GSG1L: variants seen among roughly 807,000 people sequenced by gnomAD.
The protein encoded by GSG1L is germ cell-specific gene 1-like protein.
A neutral mutation model predicts 42.1 loss-of-function variants in GSG1L; 24 were observed. The ratio of observed to expected loss-of-function variants is 0.57; its 90% confidence interval spans 0.41 to 0.80. The LOEUF is 0.80. Among genes scored for constraint, GSG1L ranks in the 30% least tolerant of loss-of-function variants. The probability of loss-of-function intolerance (pLI) is 0.00; values close to 1 mark genes in which losing one functional copy is unlikely to be tolerated. For synonymous variants in GSG1L, 215 were observed against 203.5 expected, an observed-to-expected ratio of 1.06 and a Z score of -0.48; for missense variants, 445 against 472.2, an observed-to-expected ratio of 0.94 and a Z score of 0.53.
intron 2 of GSG1L, among the ~76,000 whole-genome samples, chr16:27,892,664 C>T (rs1311239443): frequency 3.3e-5 from 5 of 151,828 alleles, no homozygotes; most frequent in African/African-American, 1.2e-4. Flanking sequence ...GTGGTGTGTG[C>T]CTGTGATCTC....
rs1056814776 is a variant in GSG1L, at chr16:27,789,534, T to C, written c.*1836A>G. On this transcript the variant is annotated 3_prime_UTR_variant, in exon 7 of 7. Transcript: ENST00000447459. ...AGATGATGGATGATGGATGGAAGGA[T>C]AAATAATGGATAAATGAAGAAATGC... 1.3e-5 allele frequency: 2 copies of C among 151,464 alleles called. No homozygotes were observed. The highest frequency in any genetic ancestry group is 1.3e-4 in the Admixed American group (2 of 15,220). The allele number at this position is 151,464 out of a possible 1,614,324, so 9.4% of individuals were successfully genotyped here. A position where few individuals can be genotyped will look rare whatever the true frequency, so the allele number is the denominator to read the frequency against.
rs140164974 is a variant in GSG1L, at chr16:27,822,991, G to A, written c.830+5798C>T. Among the ~76,000 whole-genome samples the A allele has an allele frequency of 1.3e-3, 191 of 152,296 alleles. 2 individuals carry two copies. Among genetic ancestry groups the A allele is most frequent in the African/African-American group, 4.5e-3 (185 of 41,566 alleles). On this transcript the variant is annotated intron_variant, in intron 5 of 6. Coordinates refer to ENST00000447459, the MANE Select transcript of GSG1L (RefSeq NM_001109763.2). Reference sequence around the variant, plus strand: ...ACAGTGCCACATTCCCAAGTGAGGCGGGTCATTTGTTTGGCACAGCTGAAT... The same window carrying A: ...ACAGTGCCACATTCCCAAGTGAGGCAGGTCATTTGTTTGGCACAGCTGAAT...
chr16:28,041,969 C>T (rs2086111434), intron 1 of GSG1L, among the ~76,000 whole-genome samples: 1 of 152,202 alleles, frequency 6.6e-6, no homozygotes, highest in South Asian at 2.1e-4. Context: ...TAAAACTGGG[C>T]AAAGACGTGG....
chr16:27,904,859 T>C (rs1225273871), intron 2 of GSG1L, among the ~76,000 whole-genome samples: 2 of 152,180 alleles, frequency 1.3e-5, no homozygotes, highest in African/African-American at 4.8e-5. Context: ...CAGAAAGTCA[T>C]GGCAGCTGCA....
intron 1 of GSG1L, among the ~76,000 whole-genome samples, chr16:28,014,442 T>C (rs61527029): frequency 0.023 from 3,496 of 152,082 alleles, 141 homozygotes; most frequent in African/African-American, 0.08. Flanking sequence ...AGAAAACAAC[T>C]GGAAAAATAC....
At chr16:27,941,303 C>A (rs1200165575) in intron 2 of GSG1L, among the ~76,000 whole-genome samples, 3 of 151,762 alleles carry the variant, frequency 2.0e-5, no homozygotes, top group East Asian at 3.9e-4. Flanking sequence ...CTGTAACTTA[C>A]CACCAACAAA....
chr16:27,870,910 G>A (rs2083812487), intron 3 of GSG1L, among the ~76,000 whole-genome samples: 1 of 151,300 alleles, frequency 6.6e-6, no homozygotes, highest in Admixed American at 6.6e-5. Context: ...GTGCTCTCCA[G>A]CCTGTACCGG....
chr16:27,820,182 G>A (rs1466175622), intron 5 of GSG1L, among the ~76,000 whole-genome samples: 1 of 152,194 alleles, frequency 6.6e-6, no homozygotes, highest in African/African-American at 2.4e-5. Flanking sequence ...GAGAATCCAA[G>A]TAGAAACACC....
rs537557773 is a variant in GSG1L at position 27,825,848 on chromosome 16, C to T, written c.830+2941G>A. Among the ~76,000 whole-genome samples, 65 of 152,270 alleles carry T rather than the reference C, an allele frequency of 4.3e-4. 3 individuals are homozygous for T. In the South Asian group the frequency reaches 0.013, roughly 30 times the overall value. On this transcript the variant is annotated intron_variant, in intron 5 of 6. Coordinates refer to ENST00000447459, the MANE Select transcript of GSG1L (RefSeq NM_001109763.2). Reference sequence around the variant, plus strand: ...TTTGCTCGGCATTTCTCCTTGCTGCCGCCATGTGAAGAAGGACGTGTTTGC... The same window carrying T: ...TTTGCTCGGCATTTCTCCTTGCTGCTGCCATGTGAAGAAGGACGTGTTTGC...
At chr16:28,055,737 T>C (rs2086271826) in intron 1 of GSG1L, among the ~76,000 whole-genome samples, 1 of 152,228 alleles carries the variant, frequency 6.6e-6, no homozygotes, top group East Asian at 1.9e-4. Flanking sequence ...CCCAAAGTGC[T>C]GGGATTACAG....
chr16:28,031,345 T>C (rs565077284), intron 1 of GSG1L, among the ~76,000 whole-genome samples: 2 of 131,754 alleles, frequency 1.5e-5, no homozygotes, highest in Non-Finnish European at 3.2e-5. Context: ...TGGGATGGGA[T>C]TGGATGAGAT....
At chr16:27,812,691 C>A (rs900905575) in intron 5 of GSG1L, among the ~76,000 whole-genome samples, 1 of 152,126 alleles carries the variant, frequency 6.6e-6, no homozygotes, top group African/African-American at 2.4e-5. Flanking sequence ...GGAGGCTTCT[C>A]GGGGTGGTAC....
intron 1 of GSG1L, among the ~76,000 whole-genome samples, chr16:28,041,861 G>A (rs1041943218): frequency 2.1e-4 from 32 of 152,198 alleles, no homozygotes; most frequent in African/African-American, 7.7e-4. Context: ...CCCTCGCTGG[G>A]CATCGCAGAT....
At chr16:27,903,432 G>A (rs190203955) in intron 2 of GSG1L, among the ~76,000 whole-genome samples, 2 of 152,298 alleles carry the variant, frequency 1.3e-5, no homozygotes, top group East Asian at 1.9e-4. Flanking sequence ...GCCAAGACAG[G>A]GGAGAGGAGA....
intron 2 of GSG1L, among the ~76,000 whole-genome samples, chr16:27,905,766 T>C (rs895936752): frequency 6.6e-6 from 1 of 152,170 alleles, no homozygotes; most frequent in Non-Finnish European, 1.5e-5. Flanking sequence ...GGGGGATGCA[T>C]GATGCATGAT....
chr16:27,907,472 G>A (rs1431332056), intron 2 of GSG1L, among the ~76,000 whole-genome samples: 3 of 152,208 alleles, frequency 2.0e-5, no homozygotes, highest in Admixed American at 1.3e-4. Context: ...GCCCTGGAAT[G>A]TTTGCTCATT....
At chr16:27,981,106 A>G (rs2085321756) in intron 1 of GSG1L, among the ~76,000 whole-genome samples, 1 of 150,748 alleles carries the variant, frequency 6.6e-6, no homozygotes, top group African/African-American at 2.4e-5. Flanking sequence ...CCTCCTAAGG[A>G]AAGTCCCACA....
intron 4 of GSG1L, among the ~76,000 whole-genome samples, chr16:27,841,089 T>C (rs1262142887): frequency 6.6e-6 from 1 of 152,232 alleles, no homozygotes; most frequent in Non-Finnish European, 1.5e-5. Context: ...GGGTGATGTG[T>C]ACACCTCAAC....
chr16:27,823,906 G>A (rs1195970418), intron 5 of GSG1L: 4 of 702,904 alleles, frequency 5.7e-6, no homozygotes, highest in South Asian at 3.0e-5. Context: ...TCTGTGCCTC[G>A]ATTTGCCACC....
Sources: allele counts gnomAD v4.1 joint callset (sites outside exome capture counted in the v4.1 genomes callset), GRCh38; gene constraint gnomAD v4.1.1; transcripts MANE v1.5; gene names NCBI Gene and HGNC (gene_info 2026-07-23, HGNC 2026-07-21).